CSRP3: variants seen among roughly 807,000 people sequenced by gnomAD.
CSRP3 encodes cysteine and glycine-rich protein 3.
In CSRP3, 24 loss-of-function variants were observed where a neutral mutation model predicts 24.3. The ratio of observed to expected loss-of-function variants is 0.99; its 90% confidence interval spans 0.71 to 1.39. The LOEUF (loss-of-function observed/expected upper bound fraction) is 1.39. CSRP3 is among the 40% of genes most tolerant of loss of function. CSRP3 has a pLI of 0.00. For synonymous variants in CSRP3, 105 were observed against 94.0 expected, an observed-to-expected ratio of 1.12 and a Z score of -0.68; for missense variants, 240 against 249.0, an observed-to-expected ratio of 0.96 and a Z score of 0.24.
intron 1 of CSRP3, among the ~76,000 whole-genome samples, chr11:19,195,210 G>T (rs1850679942): frequency 6.6e-6 from 1 of 151,862 alleles, no homozygotes; most frequent in Non-Finnish European, 1.5e-5. Context: ...AAGCAGAAAG[G>T]CGTAGAGGCC....
intron 1 of CSRP3, among the ~76,000 whole-genome samples, chr11:19,200,325 T>C (rs76935758): frequency 0.033 from 5,013 of 152,324 alleles, 112 homozygotes; most frequent in East Asian, 0.091. Context: ...TATAACTGAT[T>C]ATCTTTATTT....
At chr11:19,200,274 A>G (rs1293160428) in intron 1 of CSRP3, among the ~76,000 whole-genome samples, 3 of 152,256 alleles carry the variant, frequency 2.0e-5, no homozygotes, top group Non-Finnish European at 2.9e-5. Flanking sequence ...GGAAACTCAG[A>G]TAAGTTAAGT....
rs775194825 is a variant in CSRP3 at position 19,185,046 on chromosome 11, C to A, written c.415-1G>T. 1.7e-5 allele frequency: 28 copies of A among 1,612,340 alleles called. No individual in the cohort carries two copies. The highest frequency in any genetic ancestry group is 2.2e-5 in the Non-Finnish European group (26 of 1,178,376). ...AGCGGAAACAGGTCTTGTGCCAAGG[C>A]TGAGGGGCACAGAAAAGTTGCATAT... On this transcript the variant is annotated splice_acceptor_variant, in intron 4 of 5. Transcript: ENST00000265968. LOFTEE classifies it high-confidence loss of function.
Position 19,182,439 on chromosome 11 carries a change from T to G in CSRP3, c.*231A>C. 1.7e-6 allele frequency: 1 copy of G among 582,642 alleles called. No individual in the cohort carries two copies. The highest frequency in any genetic ancestry group is 3.1e-6 in the Non-Finnish European group (1 of 325,758). The allele number at this position is 582,642 out of a possible 1,614,324, so 36.1% of individuals were successfully genotyped here. The stretch of plus-strand genomic sequence containing the variant: ...AGCACTAAAACATTTATTTATTGCC[T>G]CTCCCATTCCAAGCATTATAAATAA... On this transcript the variant is annotated 3_prime_UTR_variant, in exon 6 of 6. Transcript: ENST00000265968.
intron 2 of CSRP3, among the ~76,000 whole-genome samples, chr11:19,190,870 T>A (rs1337229967): frequency 2.0e-5 from 3 of 152,190 alleles, no homozygotes; most frequent in Non-Finnish European, 4.4e-5. Context: ...TCAGGAAATA[T>A]CAAAGGGTTA....
chr11:19,185,257 G>T (rs1278200108), intron 4 of CSRP3, among the ~76,000 whole-genome samples: 1 of 152,242 alleles, frequency 6.6e-6, no homozygotes, highest in Non-Finnish European at 1.5e-5. Flanking sequence ...ATTTGTCATG[G>T]TGATTTGCAT....
chr11:19,199,911 A>G (rs781426068), intron 1 of CSRP3, among the ~76,000 whole-genome samples: 42 of 152,238 alleles, frequency 2.8e-4, no homozygotes, highest in Non-Finnish European at 4.0e-4. Flanking sequence ...ATTCACAGAT[A>G]TCTGAACAGC....
At chr11:19,201,796 C>G (rs1850848676) in intron 1 of CSRP3, among the ~76,000 whole-genome samples, 158 bp downstream of exon 1, 1 of 152,188 alleles carries the variant, frequency 6.6e-6, no homozygotes, top group African/African-American at 2.4e-5. Flanking sequence ...AGATCCACAC[C>G]AGAGTCAAGT....
chr11:19,187,994 T>G, intron 3 of CSRP3, 142 bp downstream of exon 3: 1 of 984,706 alleles, frequency 1.0e-6, no homozygotes, highest in Non-Finnish European at 1.6e-6. Flanking sequence ...TCAAACTTGG[T>G]CAGACTGAGT....
At chr11:19,186,996 G>C (rs186058853) in intron 3 of CSRP3, among the ~76,000 whole-genome samples, 1 of 152,216 alleles carries the variant, frequency 6.6e-6, no homozygotes, top group Non-Finnish European at 1.5e-5. Context: ...AAGGTAGGCA[G>C]GGCTGGTTGG....
chr11:19,185,843 C>T (rs1260311937), intron 4 of CSRP3, among the ~76,000 whole-genome samples: 2 of 152,098 alleles, frequency 1.3e-5, no homozygotes, highest in African/African-American at 4.8e-5. Context: ...CTGCTATATC[C>T]ATTGGTCATG....
intron 5 of CSRP3, among the ~76,000 whole-genome samples, chr11:19,183,039 TC>T (rs1368439205): frequency 6.6e-6 from 1 of 151,978 alleles, no homozygotes; most frequent in Non-Finnish European, 1.5e-5. Context: ...GTACTTCTGA[TC>T]CCAGCTACTG....
chr11:19,184,845 A>G (rs969365639), intron 5 of CSRP3, 107 bp downstream of exon 5: 1 of 869,756 alleles, frequency 1.1e-6, no homozygotes, highest in South Asian at 1.4e-5. Flanking sequence ...CTGAGCAGCC[A>G]TACCTCCTGG....
At chr11:19,188,654 G>T (rs1245632048) in intron 2 of CSRP3, among the ~76,000 whole-genome samples, 1 of 149,954 alleles carries the variant, frequency 6.7e-6, no homozygotes, top group East Asian at 2.0e-4. Context: ...GTGTGTGTTT[G>T]TGGGCGCGCG....
chr11:19,189,174 C>G (rs1395439463), intron 2 of CSRP3, among the ~76,000 whole-genome samples: 2 of 152,190 alleles, frequency 1.3e-5, no homozygotes, highest in Non-Finnish European at 2.9e-5. Flanking sequence ...ATCGGCATCT[C>G]CCTCACCACC....
In CSRP3 at chr11:19,182,624, G is replaced by A; in HGVS notation, c.*46C>T. The A allele has an allele frequency of 6.9e-7, 1 of 1,451,934 alleles. No homozygotes were observed. Among genetic ancestry groups the A allele is most frequent in the Non-Finnish European group, 9.7e-7 (1 of 1,031,860 alleles). The allele number at this position is 1,451,934 out of a possible 1,614,324, so 89.9% of individuals were successfully genotyped here. ...GTATCGATCTGTGCAGGATTACTTG[G>A]CAAGTGTTTTAGGCTCGCAAAAAAT... On this transcript the variant is annotated 3_prime_UTR_variant, in exon 6 of 6. Coordinates refer to ENST00000265968, the MANE Select transcript of CSRP3 (RefSeq NM_003476.5).
chr11:19,197,951 TGCTATTATA>T (rs1249438812), intron 1 of CSRP3, among the ~76,000 whole-genome samples: 5 of 152,064 alleles, frequency 3.3e-5, no homozygotes, highest in Non-Finnish European at 5.9e-5. Flanking sequence ...TCAAGGTAGG[TGCTATTATA>T]ACATTTACTT....
intron 1 of CSRP3, among the ~76,000 whole-genome samples, chr11:19,197,219 T>C (rs1850729052): frequency 6.6e-6 from 1 of 151,230 alleles, no homozygotes; most frequent in Non-Finnish European, 1.5e-5. Flanking sequence ...TAGAGTAATA[T>C]AAAATGTGAG....
chr11:19,194,699 G>C (rs1850669019), intron 1 of CSRP3, among the ~76,000 whole-genome samples: 1 of 152,096 alleles, frequency 6.6e-6, no homozygotes, highest in Admixed American at 6.5e-5. Context: ...AAATAAATAA[G>C]AATTTCTTAA....
Sources: gnomAD v4.1 joint callset for allele counts (sites outside exome capture counted in the v4.1 genomes callset) on GRCh38, gnomAD v4.1.1 for gene constraint, MANE v1.5 for transcripts, NCBI Gene and HGNC (gene_info 2026-07-23, HGNC 2026-07-21) for gene names.